Variants in RANBP2 observed in about 807,000 individuals in gnomAD.
RANBP2 encodes E3 SUMO-protein ligase RanBP2.
RANBP2 carries 57 observed loss-of-function variants against 303.6 expected under a neutral mutation model. The observed-to-expected ratio is 0.19, with a 90% CI of 0.15 to 0.23. RANBP2 has a LOEUF of 0.23. Among genes scored for constraint, RANBP2 ranks in the 10% least tolerant of loss-of-function variants. The pLI, the probability that RANBP2 is intolerant of heterozygous loss-of-function variation, is 1.00. For missense variants in RANBP2, 3,138 were observed against 3,780.8 expected (o/e 0.83, Z 4.46); for synonymous variants, 1,167 against 1,301.5 (o/e 0.90, Z 2.23).
At chr2:109,591,531 T>C in the RANBP2 span, among the ~76,000 whole-genome samples, 3 of 152,126 alleles carry the variant, frequency 2.0e-5, no homozygotes, top group African/African-American at 4.8e-5. Context: ...GTACCATTGA[T>C]ATATGGAGAA....
At chr2:109,225,422 A>C in the RANBP2 span, among the ~76,000 whole-genome samples, 6 of 152,222 alleles carry the variant, frequency 3.9e-5, no homozygotes, top group East Asian at 1.2e-3. Flanking sequence ...AACAGGTTTC[A>C]CAACGATTCT....
rs750888397 is a variant in RANBP2 at position 108,777,251 on chromosome 2, CTT to C, written c.8599+23_8599+24del. 1,202 of 1,571,734 alleles carry C rather than the reference CTT, an allele frequency of 7.6e-4. 6 individuals are homozygous for C. The highest frequency in any genetic ancestry group is 6.3e-4 in the Non-Finnish European group (725 of 1,150,854). On this transcript the variant is annotated intron_variant, in intron 25 of 28. Transcript: ENST00000283195. ...CTAAAGGTAAGATCAAGAGGAGAGACTTTTAATGACATTGTTACAGAATCAAG... is the reference window on the plus strand; with the variant it reads ...CTAAAGGTAAGATCAAGAGGAGAGACTTAATGACATTGTTACAGAATCAAG...
chr2:108,913,202 G>A, the RANBP2 span, among the ~76,000 whole-genome samples: 9 of 152,018 alleles, frequency 5.9e-5, no homozygotes, highest in African/African-American at 1.9e-4. Context: ...GCCCGCCTCG[G>A]CCTCCCAAAG....
At chr2:108,903,103 CAATG>C in the RANBP2 span, among the ~76,000 whole-genome samples, 1 of 152,074 alleles carries the variant, frequency 6.6e-6, no homozygotes, top group Non-Finnish European at 1.5e-5. Context: ...ATATAACTAA[CAATG>C]AATGTATGGC....
At chr2:108,758,114 T>C (rs1676453146) in intron 17 of RANBP2, among the ~76,000 whole-genome samples, 1 of 151,994 alleles carries the variant, frequency 6.6e-6, no homozygotes, top group Non-Finnish European at 1.5e-5. Flanking sequence ...CTGGCAAACA[T>C]GGTGAAACCC....
chr2:108,956,062 A>G, the RANBP2 span, among the ~76,000 whole-genome samples: 1 of 152,148 alleles, frequency 6.6e-6, no homozygotes, highest in Non-Finnish European at 1.5e-5. Flanking sequence ...AAATTAGATT[A>G]AAACACTGTT....
At chr2:108,994,814 A>C in the RANBP2 span, among the ~76,000 whole-genome samples, 70,407 of 101,682 alleles carry the variant, frequency 0.69, 24,055 homozygotes, top group East Asian at 0.83. Context: ...ATATATATAT[A>C]TATATATATA....
chr2:109,188,167 C>T, the RANBP2 span, among the ~76,000 whole-genome samples: 1 of 152,240 alleles, frequency 6.6e-6, no homozygotes, highest in African/African-American at 2.4e-5. Context: ...TATTGACTTC[C>T]CAAGAACCAG....
the RANBP2 span, among the ~76,000 whole-genome samples, chr2:109,566,809 T>C: frequency 6.6e-6 from 1 of 152,068 alleles, no homozygotes; most frequent in Non-Finnish European, 1.5e-5. Flanking sequence ...GGGCAGGGAG[T>C]AGACTGGTCT....
the RANBP2 span, among the ~76,000 whole-genome samples, chr2:109,599,321 G>A: frequency 6.6e-6 from 1 of 152,074 alleles, no homozygotes; most frequent in African/African-American, 2.4e-5. Context: ...AGCCAGGCGT[G>A]GTGGTGTGTG....
the RANBP2 span, among the ~76,000 whole-genome samples, chr2:109,596,190 C>A: frequency 6.6e-5 from 10 of 152,202 alleles, no homozygotes; most frequent in African/African-American, 1.9e-4. Context: ...CACCACCACA[C>A]CCGGCTGAAA....
chr2:109,085,169 G>C, the RANBP2 span, among the ~76,000 whole-genome samples: 1 of 152,152 alleles, frequency 6.6e-6, no homozygotes, highest in Non-Finnish European at 1.5e-5. Context: ...TGAGGGAGCT[G>C]AGCCCATTCC....
At chr2:109,107,214 C>T in the RANBP2 span, among the ~76,000 whole-genome samples, 3 of 146,232 alleles carry the variant, frequency 2.1e-5, no homozygotes, top group Non-Finnish European at 3.0e-5. Flanking sequence ...CGTGAGCCAC[C>T]GCACCCAGCC....
chr2:108,736,011 G>A (rs1305960366), intron 5 of RANBP2, 93 bp from the exon 6 acceptor site: 27 of 1,609,630 alleles, frequency 1.7e-5, no homozygotes, highest in Admixed American at 5.0e-5. Context: ...CACAAATGTG[G>A]TTGGAGTGAG....
At chr2:109,426,613 TG>T in the RANBP2 span, among the ~76,000 whole-genome samples, 4 of 152,154 alleles carry the variant, frequency 2.6e-5, no homozygotes, top group Non-Finnish European at 5.9e-5. Context: ...GTGAAGATGG[TG>T]GGAACATCAT....
At chr2:109,347,828 T>G in the RANBP2 span, 2 of 1,613,928 alleles carry the variant, frequency 1.2e-6, no homozygotes, top group South Asian at 2.2e-5. Context: ...CAGGGCTTCC[T>G]CCCAGCCAGC....
chr2:108,875,532 A>G, the RANBP2 span, among the ~76,000 whole-genome samples: 1 of 152,090 alleles, frequency 6.6e-6, no homozygotes, highest in East Asian at 1.9e-4. Flanking sequence ...CACGCTCTCT[A>G]ATAGTGAATA....
the RANBP2 span, among the ~76,000 whole-genome samples, chr2:109,733,742 T>C: frequency 6.6e-6 from 1 of 151,884 alleles, no homozygotes; most frequent in Non-Finnish European, 1.5e-5. Flanking sequence ...CACGGTGGCA[T>C]GAACCTGTAG....
the RANBP2 span, among the ~76,000 whole-genome samples, chr2:109,591,814 C>A: frequency 6.6e-6 from 1 of 152,058 alleles, no homozygotes; most frequent in Admixed American, 6.5e-5. Context: ...ATGAGAATTG[C>A]TTGAACCTGG....
Sources: gnomAD v4.1 joint callset for allele counts (sites outside exome capture counted in the v4.1 genomes callset) on GRCh38, gnomAD v4.1.1 for gene constraint, MANE v1.5 for transcripts, NCBI Gene and HGNC (gene_info 2026-07-23, HGNC 2026-07-21) for gene names.